Variants in BLMH observed in about 807,000 individuals in gnomAD.
BLMH encodes the protein bleomycin hydrolase.
In BLMH, 32 loss-of-function variants were observed where a neutral mutation model predicts 61.6. The ratio of observed to expected loss-of-function variants is 0.52; its 90% CI spans 0.39 to 0.70. The LOEUF is 0.70. Ranked by LOEUF, BLMH falls within the 30% of genes least tolerant of loss-of-function variation. The probability of loss-of-function intolerance (pLI) is 0.00; values close to 1 mark genes in which losing one functional copy is unlikely to be tolerated. For synonymous variants in BLMH, 183 were observed against 193.8 expected, an observed-to-expected ratio of 0.94 and a Z score of 0.46; for missense variants, 460 against 555.5, an observed-to-expected ratio of 0.83 and a Z score of 1.73.
At chr17:30,274,606 T>G (rs1908367792) in intron 6 of BLMH, among the ~76,000 whole-genome samples, 1 of 152,164 alleles carries the variant, frequency 6.6e-6, no homozygotes, top group Non-Finnish European at 1.5e-5. Flanking sequence ...ATGTTTTCCT[T>G]ATTACAACAG....
intron 11 of BLMH, among the ~76,000 whole-genome samples, chr17:30,259,981 G>A (rs1041811031): frequency 6.6e-6 from 1 of 152,170 alleles, no homozygotes; most frequent in Non-Finnish European, 1.5e-5. Context: ...GAAGGGAAAG[G>A]TTAGGGAGCT....
intron 3 of BLMH, 72 bp downstream of exon 3, chr17:30,289,301 T>G: frequency 1.1e-6 from 1 of 931,368 alleles, no homozygotes; most frequent in East Asian, 2.8e-5. Context: ...CTGGAAAAGC[T>G]ACAAAAGAAG....
chr17:30,266,368 A>G (rs1014580947), intron 11 of BLMH, among the ~76,000 whole-genome samples: 1 of 151,918 alleles, frequency 6.6e-6, no homozygotes, highest in Admixed American at 6.6e-5. Flanking sequence ...TCTACTAAAA[A>G]TACAAAATCA....
chr17:30,259,126 T>C (rs1248973316), intron 11 of BLMH, among the ~76,000 whole-genome samples: 1 of 152,236 alleles, frequency 6.6e-6, no homozygotes, highest in Non-Finnish European at 1.5e-5. Context: ...CTTATTCTTG[T>C]GTTTATGTTT....
At chr17:30,274,420 G>C (rs1387128976) in intron 6 of BLMH, among the ~76,000 whole-genome samples, 1 of 152,156 alleles carries the variant, frequency 6.6e-6, no homozygotes, top group Non-Finnish European at 1.5e-5. Context: ...TGAACAATGC[G>C]ATTCTGAAAT....
chr17:30,289,583 TTCAGAAAGAGTAAA>T (rs1194770048), intron 2 of BLMH, 101 bp from the exon 3 acceptor site: 14 of 649,368 alleles, frequency 2.2e-5, no homozygotes, highest in Non-Finnish European at 3.1e-5. Flanking sequence ...ATCTGGACAA[TTCAGAAAGAGTAAA>T]TCAGAAAGAG....
intron 11 of BLMH, among the ~76,000 whole-genome samples, chr17:30,250,852 A>G (rs1907650519): frequency 6.6e-6 from 1 of 152,226 alleles, no homozygotes; most frequent in South Asian, 2.1e-4. Context: ...TCAACCAACG[A>G]GTGGATAAAG....
intron 11 of BLMH, among the ~76,000 whole-genome samples, chr17:30,262,790 G>A (rs917642651): frequency 2.0e-4 from 31 of 152,198 alleles, no homozygotes; most frequent in African/African-American, 7.0e-4. Context: ...GCAAGACTCC[G>A]TCTCAAAAAA....
At chr17:30,260,495 G>C (rs1452401068) in intron 11 of BLMH, among the ~76,000 whole-genome samples, 1 of 152,196 alleles carries the variant, frequency 6.6e-6, no homozygotes, top group South Asian at 2.1e-4. Context: ...GTGAACTGGA[G>C]AGTATGTGCT....
At chr17:30,263,797 T>C (rs1908026396) in intron 11 of BLMH, among the ~76,000 whole-genome samples, 1 of 152,238 alleles carries the variant, frequency 6.6e-6, no homozygotes, top group Non-Finnish European at 1.5e-5. Flanking sequence ...TTGCTCTGTT[T>C]ATCTCCAGCA....
At chr17:30,279,308 TTGA>T (rs1445081866) in intron 6 of BLMH, among the ~76,000 whole-genome samples, 2 of 152,190 alleles carry the variant, frequency 1.3e-5, no homozygotes, top group East Asian at 3.9e-4. Context: ...AATTTTTTGA[TTGA>T]TGGAGACCCT....
At chr17:30,267,803 A>C (rs1012707003) in intron 10 of BLMH, among the ~76,000 whole-genome samples, 20 of 152,174 alleles carry the variant, frequency 1.3e-4, no homozygotes, top group African/African-American at 4.8e-4. Context: ...GGCAACTTAA[A>C]TCTTTGTAGC....
At chr17:30,284,091 T>C (rs1164401078) in intron 6 of BLMH, among the ~76,000 whole-genome samples, 2 of 152,208 alleles carry the variant, frequency 1.3e-5, no homozygotes, top group African/African-American at 2.4e-5. Flanking sequence ...TTTAAACCCA[T>C]GTATGTCTGA....
chr17:30,258,695 C>T (rs534358081), intron 11 of BLMH, among the ~76,000 whole-genome samples: 4 of 152,208 alleles, frequency 2.6e-5, no homozygotes, highest in African/African-American at 9.6e-5. Context: ...TGAGGGCACA[C>T]ACAGCTCTCC....
Position 30,285,469 on chromosome 17 carries a change from GA to G in BLMH, c.563del (p.Phe188SerfsTer25). 6.2e-7 allele frequency: 1 copy of G among 1,608,300 alleles called. No individual in the cohort carries two copies. The highest frequency in any genetic ancestry group is 8.5e-7 in the Non-Finnish European group (1 of 1,177,612). ...GTACCAGGTTCCGCAGTCGTATACA[GA>G]ATTCTCTCATCTATGACAGAAACTT... The part of the protein sequence containing the change: ...NDILNHKMRE[F>X]CIRLRNLVHS... On this transcript the variant is annotated frameshift_variant, in exon 6 of 12. Transcript: ENST00000261714. LOFTEE classifies it high-confidence loss of function.
intron 11 of BLMH, among the ~76,000 whole-genome samples, chr17:30,261,871 G>C (rs1034891694): frequency 2.6e-5 from 4 of 152,158 alleles, no homozygotes; most frequent in African/African-American, 4.8e-5. Flanking sequence ...ACATGCCAAA[G>C]TATCTTTAAC....
intron 9 of BLMH, among the ~76,000 whole-genome samples, chr17:30,272,036 T>C (rs1216007704): frequency 6.6e-6 from 1 of 152,204 alleles, no homozygotes; most frequent in Non-Finnish European, 1.5e-5. Context: ...GTAACAACTA[T>C]TTATAAGTAA....
At chr17:30,283,669 A>T (rs534147763) in intron 6 of BLMH, among the ~76,000 whole-genome samples, 3 of 151,764 alleles carry the variant, frequency 2.0e-5, no homozygotes, top group Non-Finnish European at 2.9e-5. Flanking sequence ...CTACAGGCGC[A>T]TACCACCACG....
Position 30,285,491 on chromosome 17 carries a change from A to C in BLMH, c.553-11T>G, listed in dbSNP as rs1174092627. 3 of 1,595,846 alleles carry C rather than the reference A, an allele frequency of 1.9e-6. No individual in the cohort carries two copies. Among genetic ancestry groups the C allele is most frequent in the Non-Finnish European group, 2.6e-6 (3 of 1,169,476 alleles). On this transcript the variant is annotated splice_polypyrimidine_tract_variant and intron_variant, in intron 5 of 11. Coordinates refer to ENST00000261714, the MANE Select transcript of BLMH (RefSeq NM_000386.4). ...ACAGAATTCTCTCATCTATGACAGA[A>C]ACTTATTCAGCACTCCAACAGTTAC...
Sources: gnomAD v4.1 joint callset for allele counts (sites outside exome capture counted in the v4.1 genomes callset) on GRCh38, gnomAD v4.1.1 for gene constraint, MANE v1.5 for transcripts, NCBI Gene and HGNC (gene_info 2026-07-23, HGNC 2026-07-21) for gene names.